The following ANKIB1 variants were observed in gnomAD, a reference collection of about 807,000 sequenced individuals.
ANKIB1 encodes ankyrin repeat and IBR domain containing 1, also known as ankyrin repeat and IBR domain-containing protein 1.
A neutral mutation model predicts 122.1 loss-of-function variants in ANKIB1; 43 were observed. The observed-to-expected ratio is 0.35, with a 90% CI of 0.28 to 0.45. The LOEUF is 0.45. Ranked by LOEUF, ANKIB1 falls within the 20% of genes least tolerant of loss-of-function variation. ANKIB1 has a pLI of 1.00. For synonymous variants in ANKIB1, 390 were observed against 442.0 expected (o/e 0.88, Z 1.48); for missense variants, 992 against 1,329.5 (o/e 0.75, Z 3.95).
At chr7:92,368,338 TGAAGA>T (rs1430825867) in intron 10 of ANKIB1, among the ~76,000 whole-genome samples, 2 of 150,122 alleles carry the variant, frequency 1.3e-5, no homozygotes, top group African/African-American at 2.5e-5. Context: ...GTAACTGAAG[TGAAGA>T]GAAGAGTTTG....
At chr7:92,335,869 G>T (rs1396819375) in intron 5 of ANKIB1, among the ~76,000 whole-genome samples, 48 of 151,736 alleles carry the variant, frequency 3.2e-4, no homozygotes, top group Admixed American at 3.2e-3. Flanking sequence ...GCTGTATTTT[G>T]AATTAGTTGA....
chr7:92,382,390 T>A (rs958007975), intron 11 of ANKIB1, among the ~76,000 whole-genome samples: 2 of 152,212 alleles, frequency 1.3e-5, no homozygotes, highest in Non-Finnish European at 2.9e-5. Context: ...TAGGCAGACC[T>A]AATAGACATC....
In ANKIB1 at chr7:92,246,309, C is replaced by T. The variant is rs1361020967; in HGVS notation, c.-301C>T. The T allele has an allele frequency of 7.3e-6, 3 of 410,600 alleles. No individual in the cohort carries two copies. Among genetic ancestry groups the T allele is most frequent in the Non-Finnish European group, 9.5e-6 (2 of 209,548 alleles). 25.4% of individuals were successfully genotyped at this position (410,600 alleles called of 1,614,324 possible). ...GCGGGCGCCTTCGGCTCACGCAGCG[C>T]TTCCCGCGGGCCGCCAGTGCGCACC... On this transcript the variant is annotated 5_prime_UTR_variant, in exon 1 of 20. Transcript: ENST00000265742.
At chr7:92,329,329 G>A (rs1302675384) in intron 5 of ANKIB1, among the ~76,000 whole-genome samples, 1 of 151,972 alleles carries the variant, frequency 6.6e-6, no homozygotes, top group African/African-American at 2.4e-5. Flanking sequence ...TTATATACCT[G>A]TAGCTCTTAA....
chr7:92,321,238 AACTC>A (rs1391312342), intron 4 of ANKIB1, among the ~76,000 whole-genome samples: 2 of 152,118 alleles, frequency 1.3e-5, no homozygotes, highest in South Asian at 2.1e-4. Context: ...ATCCATCCCT[AACTC>A]ACCTATCATT....
chr7:92,258,658 T>A (rs562667792), intron 1 of ANKIB1, among the ~76,000 whole-genome samples: 17 of 152,296 alleles, frequency 1.1e-4, no homozygotes, highest in East Asian at 3.9e-4. Flanking sequence ...TTAATTTTTT[T>A]AAAAAAATTG....
intron 1 of ANKIB1, among the ~76,000 whole-genome samples, chr7:92,262,601 TAAAAG>T (rs1403305264): frequency 6.6e-6 from 1 of 152,150 alleles, no homozygotes; most frequent in Non-Finnish European, 1.5e-5. Context: ...GTTCTGCAAT[TAAAAG>T]AAGGCTATAT....
rs553940164 is a variant in ANKIB1 at position 92,342,764 on chromosome 7, G to A, written c.788-260G>A. On this transcript the variant is annotated intron_variant, in intron 5 of 19. Coordinates refer to ENST00000265742, the MANE Select transcript of ANKIB1 (RefSeq NM_019004.2). The stretch of plus-strand genomic sequence containing the variant: ...TGTGAGTGACCTGTTTTGATTGTTA[G>A]TAGAAAGTACTGGAAATTTTGACCA... Among the ~76,000 whole-genome samples the A allele has an allele frequency of 3.3e-5, 5 of 152,292 alleles. No homozygotes were observed. The East Asian group carries it at 9.6e-4, about 29-fold the overall frequency.
chr7:92,328,970 C>CTT (rs766176211), intron 5 of ANKIB1, among the ~76,000 whole-genome samples: 2 of 138,186 alleles, frequency 1.4e-5, no homozygotes, highest in Non-Finnish European at 1.6e-5. Flanking sequence ...CACAAACACA[C>CTT]TTTTTTTTTT....
chr7:92,258,409 G>C (rs1475188808), intron 1 of ANKIB1, among the ~76,000 whole-genome samples: 3 of 152,184 alleles, frequency 2.0e-5, no homozygotes, highest in Admixed American at 1.3e-4. Flanking sequence ...TTAAAGTGCA[G>C]ATTGCTGGGC....
chr7:92,251,047 C>A (rs1801319449), intron 1 of ANKIB1, among the ~76,000 whole-genome samples: 1 of 152,192 alleles, frequency 6.6e-6, no homozygotes, highest in Admixed American at 6.5e-5. Flanking sequence ...TTCAGTCTGA[C>A]ATATAATTTT....
intron 11 of ANKIB1, among the ~76,000 whole-genome samples, chr7:92,378,125 A>G (rs1804426623): frequency 1.3e-5 from 2 of 152,234 alleles, no homozygotes; most frequent in Admixed American, 1.3e-4. Flanking sequence ...CCAGCAGAGC[A>G]CATTCATGAG....
chr7:92,350,690 C>T (rs1032523947), intron 7 of ANKIB1, among the ~76,000 whole-genome samples: 4 of 152,080 alleles, frequency 2.6e-5, no homozygotes, highest in Non-Finnish European at 5.9e-5. Context: ...AGACCCATCG[C>T]TAGCAAAAAT....
In ANKIB1 at chr7:92,397,853, T is replaced by TCTTCAGGTAGCC; in HGVS notation, c.2527_2532+6dup. The TCTTCAGGTAGCC allele has an allele frequency of 6.2e-7, 1 of 1,607,812 alleles. No individual in the cohort carries two copies. The highest frequency in any genetic ancestry group is 8.5e-7 in the Non-Finnish European group (1 of 1,178,214). On this transcript the variant is annotated inframe_insertion, in exon 19 of 20. Coordinates refer to ENST00000265742, the MANE Select transcript of ANKIB1 (RefSeq NM_019004.2). The stretch of plus-strand genomic sequence containing the variant: ...CCAGTCGCTCTGAAAACCAGGACTC[T>TCTTCAGGTAGCC]CTTCAGGTAGCCTTTCTGAACAGCC...
chr7:92,253,594 A>T (rs923057210), intron 1 of ANKIB1, among the ~76,000 whole-genome samples: 1 of 152,244 alleles, frequency 6.6e-6, no homozygotes, highest in Non-Finnish European at 1.5e-5. Flanking sequence ...GAATTTACAA[A>T]CATACATATA....
chr7:92,296,659 AT>A (rs1226571157), intron 2 of ANKIB1, among the ~76,000 whole-genome samples: 1 of 152,104 alleles, frequency 6.6e-6, no homozygotes, highest in Non-Finnish European at 1.5e-5. Context: ...ATATTTTACA[AT>A]TTTGTATAGC....
intron 1 of ANKIB1, among the ~76,000 whole-genome samples, chr7:92,274,762 C>T (rs989874649): frequency 6.6e-6 from 1 of 152,064 alleles, no homozygotes; most frequent in African/African-American, 2.4e-5. Context: ...GCTTGGGCAA[C>T]ATGCCCAGCC....
intron 17 of ANKIB1, 45 bp downstream of exon 17, chr7:92,392,337 C>G: frequency 6.5e-7 from 1 of 1,532,434 alleles, no homozygotes; most frequent in Non-Finnish European, 9.0e-7. Flanking sequence ...TTTCTTAGTG[C>G]AGTCGTGCTT....
At chr7:92,252,308 C>CT (rs1801344249) in intron 1 of ANKIB1, among the ~76,000 whole-genome samples, 6 of 151,860 alleles carry the variant, frequency 4.0e-5, no homozygotes, top group Admixed American at 3.9e-4. Context: ...ATTAACCACT[C>CT]TTATGATGAT....
Sources: allele counts gnomAD v4.1 joint callset (sites outside exome capture counted in the v4.1 genomes callset), GRCh38; gene constraint gnomAD v4.1.1; transcripts MANE v1.5; gene names NCBI Gene and HGNC (gene_info 2026-07-23, HGNC 2026-07-21).